SNX6: variants seen among roughly 807,000 people sequenced by gnomAD.
SNX6 encodes sorting nexin 6.
A neutral mutation model predicts 63.0 loss-of-function variants in SNX6; 34 were observed. The ratio of observed to expected loss-of-function variants is 0.54; its 90% CI spans 0.41 to 0.72. The LOEUF (loss-of-function observed/expected upper bound fraction) is 0.72. Among genes scored for constraint, SNX6 ranks in the 30% least tolerant of loss-of-function variants. SNX6 has a pLI of 0.00. For missense variants in SNX6, 398 were observed against 471.4 expected (o/e 0.84, Z 1.44); for synonymous variants, 170 against 164.2 (o/e 1.04, Z -0.27).
intron 13 of SNX6, 44 bp downstream of exon 13, chr14:34,567,642 T>C (rs773116752): frequency 1.4e-6 from 2 of 1,416,312 alleles, no homozygotes; most frequent in Non-Finnish European, 2.0e-6. Flanking sequence ...TTCATTTCTA[T>C]ATTACATGTA....
At chr14:34,568,740 T>C (rs1881305752) in intron 11 of SNX6, 2 of 875,574 alleles carry the variant, frequency 2.3e-6, no homozygotes. Flanking sequence ...TGTCCAGATC[T>C]CTCTGTCCCT....
intron 2 of SNX6, among the ~76,000 whole-genome samples, chr14:34,625,732 C>CA (rs984691632): frequency 5.3e-5 from 8 of 150,910 alleles, no homozygotes; most frequent in African/African-American, 2.0e-4. Context: ...GACCCTGTCT[C>CA]AAAAAAAATT....
rs200331297 is a variant in SNX6, at chr14:34,625,513, C to G, written c.54+4394G>C. Among the ~76,000 whole-genome samples, 4 of 151,826 alleles carry G rather than the reference C, an allele frequency of 2.6e-5. No individual in the cohort carries two copies. The Middle Eastern group carries it at 0.01, about 390-fold the overall frequency. On this transcript the variant is annotated intron_variant, in intron 2 of 13. Transcript: ENST00000362031. Reference sequence around the variant, plus strand: ...TTTGGGAGGCCGAGGCGGGCAGATCCCCTGTGGTCAGGAGTTTGAGACCAG... The same window carrying G: ...TTTGGGAGGCCGAGGCGGGCAGATCGCCTGTGGTCAGGAGTTTGAGACCAG...
intron 2 of SNX6, among the ~76,000 whole-genome samples, chr14:34,617,707 G>A (rs1883473360): frequency 6.6e-6 from 1 of 151,572 alleles, no homozygotes; most frequent in Admixed American, 6.6e-5. Context: ...GGATCACGAG[G>A]TCAGGGGATC....
intron 8 of SNX6, among the ~76,000 whole-genome samples, chr14:34,591,332 A>C (rs1438105470): frequency 6.6e-6 from 1 of 152,192 alleles, no homozygotes; most frequent in Non-Finnish European, 1.5e-5. Context: ...ACATTGGTCC[A>C]ATGAATTATG....
intron 2 of SNX6, among the ~76,000 whole-genome samples, chr14:34,628,975 A>T (rs1566498293): frequency 6.6e-6 from 1 of 152,100 alleles, no homozygotes; most frequent in Non-Finnish European, 1.5e-5. Flanking sequence ...AGAGCCCGGA[A>T]GGCTCTTTCT....
intron 13 of SNX6, among the ~76,000 whole-genome samples, chr14:34,564,783 C>T (rs1191863051): frequency 2.0e-5 from 3 of 149,348 alleles, no homozygotes; most frequent in South Asian, 4.2e-4. Flanking sequence ...GCTGAGATCA[C>T]GCCACTGCAC....
At chr14:34,587,798 ATTT>A (rs1168575667) in intron 8 of SNX6, among the ~76,000 whole-genome samples, 20 of 107,072 alleles carry the variant, frequency 1.9e-4, no homozygotes, top group African/African-American at 2.8e-4. Flanking sequence ...CGGTTGGCTA[ATTT>A]TTTTTTTTTT....
At position 34,608,049 on chromosome 14, in the gene SNX6, T is replaced by C. The variant is rs758232592; in HGVS notation, c.251A>G (p.Glu84Gly). 1.9e-6 allele frequency: 3 copies of C among 1,595,114 alleles called. No homozygotes were observed. The highest frequency in any genetic ancestry group is 1.7e-6 in the Non-Finnish European group (2 of 1,165,426). Reference protein sequence around the residue: ...IWLHDSFVENEDYAGYIIPPA... With the variant: ...IWLHDSFVENGDYAGYIIPPA... ...ACTTACGATATAACCTGCATAGTCTTCATTTTCAACAAAGGAATCATGAAG... is the reference window on the plus strand; with the variant it reads ...ACTTACGATATAACCTGCATAGTCTCCATTTTCAACAAAGGAATCATGAAG... Residue 84 changes from glutamate (E) to glycine (G), a missense_variant, in exon 4 of 14, where the codon GAA becomes GGA. Physicochemically the swap from Glu to Gly is moderately conservative, Grantham distance 98. Coordinates refer to ENST00000362031, the MANE Select transcript of SNX6 (RefSeq NM_152233.4).
At chr14:34,569,200 T>C (rs913614259) in intron 11 of SNX6, 2 of 692,184 alleles carry the variant, frequency 2.9e-6, no homozygotes, top group African/African-American at 3.5e-5. Context: ...AACAGCTTGA[T>C]AGTCCATGTA....
chr14:34,597,659 A>T lies in SNX6; in HGVS notation c.517-14T>A. 6.8e-7 allele frequency: 1 copy of T among 1,471,858 alleles called. No homozygotes were observed. The highest frequency in any genetic ancestry group is 9.4e-7 in the Non-Finnish European group (1 of 1,062,194). 91.2% of individuals were successfully genotyped at this position (1,471,858 alleles called of 1,614,324 possible). A position where few individuals can be genotyped will look rare whatever the true frequency, so the allele number is the denominator to read the frequency against. On this transcript the variant is annotated splice_polypyrimidine_tract_variant and intron_variant, in intron 6 of 13. Coordinates refer to ENST00000362031, the MANE Select transcript of SNX6 (RefSeq NM_152233.4). ...TCGCACACTCAACTGAAAGAAAGGT[A>T]ATTTAACATTTTTAAGGTTACAAAT...
At chr14:34,609,545 T>C (rs1883146801) in intron 3 of SNX6, 93 bp downstream of exon 3, 1 of 614,742 alleles carries the variant, frequency 1.6e-6, no homozygotes, top group African/African-American at 1.9e-5. Flanking sequence ...ATAGTTTCTT[T>C]CCAATTATGT....
chr14:34,602,415 G>GA (rs1346503615), intron 6 of SNX6, among the ~76,000 whole-genome samples: 1 of 139,178 alleles, frequency 7.2e-6, no homozygotes, highest in Non-Finnish European at 1.6e-5. Flanking sequence ...AAACAAGAGC[G>GA]AAACTGTCTT....
Position 34,572,123 on chromosome 14 carries a change from T to C in SNX6, c.921+3633A>G, listed in dbSNP as rs59632543. 9.4e-3 allele frequency among the ~76,000 whole-genome samples: 1,428 copies of C among 152,284 alleles called. 17 individuals are homozygous for C. The highest frequency in any genetic ancestry group is 0.034 in the Middle Eastern group (10 of 294). ...CTTATATTAACAGTATATGATGGTT[T>C]AAGTTGGTATGTATCTTTGCCAGAA... On this transcript the variant is annotated intron_variant, in intron 11 of 13. Coordinates refer to ENST00000362031, the MANE Select transcript of SNX6 (RefSeq NM_152233.4).
intron 13 of SNX6, among the ~76,000 whole-genome samples, chr14:34,564,122 G>A (rs1199914623): frequency 6.6e-6 from 1 of 152,036 alleles, no homozygotes; most frequent in Non-Finnish European, 1.5e-5. Flanking sequence ...CTGCCTCCCG[G>A]GTTCAAGCGA....
In SNX6 at chr14:34,627,181, T is replaced by C. The variant is rs895858989; in HGVS notation, c.54+2726A>G. On this transcript the variant is annotated intron_variant, in intron 2 of 13. Coordinates refer to ENST00000362031, the MANE Select transcript of SNX6 (RefSeq NM_152233.4). ...AAAATTGTTGGCCAGGCGCGGTGGC[T>C]CACGCCTGTAATCCCAGCACTTTGG... Among the ~76,000 whole-genome samples the C allele has an allele frequency of 2.0e-5, 3 of 152,210 alleles. No individual in the cohort carries two copies. The East Asian group carries it at 5.8e-4, about 29-fold the overall frequency.
At chr14:34,621,398 A>G (rs1883615746) in intron 2 of SNX6, among the ~76,000 whole-genome samples, 1 of 152,186 alleles carries the variant, frequency 6.6e-6, no homozygotes, top group South Asian at 2.1e-4. Flanking sequence ...ATTCCTAATT[A>G]TATCCCCAAT....
intron 2 of SNX6, among the ~76,000 whole-genome samples, chr14:34,619,585 A>G (rs1441676104): frequency 1.3e-5 from 2 of 152,150 alleles, no homozygotes; most frequent in African/African-American, 2.4e-5. Flanking sequence ...AAGTGAACAA[A>G]AAGCCCTGCC....
At chr14:34,572,975 C>T (rs1412925049) in intron 11 of SNX6, among the ~76,000 whole-genome samples, 2 of 151,994 alleles carry the variant, frequency 1.3e-5, no homozygotes, top group Non-Finnish European at 2.9e-5. Context: ...AGCCACCGCA[C>T]CTGGCCTCGT....
Sources: allele counts gnomAD v4.1 joint callset (sites outside exome capture counted in the v4.1 genomes callset), GRCh38; gene constraint gnomAD v4.1.1; transcripts MANE v1.5; gene names NCBI Gene and HGNC (gene_info 2026-07-23, HGNC 2026-07-21).